The following PLCB1 variants were observed in gnomAD, a reference collection of about 807,000 sequenced individuals.
The protein encoded by PLCB1 is 1-phosphatidylinositol 4,5-bisphosphate phosphodiesterase beta-1.
A neutral mutation model predicts 161.8 loss-of-function variants in PLCB1; 46 were observed. The observed-to-expected ratio is 0.28, with a 90% CI of 0.22 to 0.36. The LOEUF is 0.36. Among genes scored for constraint, PLCB1 ranks in the 10% least tolerant of loss-of-function variants. The probability of loss-of-function intolerance (pLI) is 1.00; values close to 1 mark genes in which losing one functional copy is unlikely to be tolerated. For synonymous variants in PLCB1, 517 were observed against 503.7 expected (o/e 1.03, Z -0.35); for missense variants, 1,016 against 1,472.5 (o/e 0.69, Z 5.07).
intron 2 of PLCB1, among the ~76,000 whole-genome samples, chr20:8,280,412 T>C (rs1332770729): frequency 1.3e-5 from 2 of 151,918 alleles, no homozygotes; most frequent in Non-Finnish European, 2.9e-5. Context: ...AAGAACTGCA[T>C]GGTGTGGGCA....
intron 3 of PLCB1, among the ~76,000 whole-genome samples, chr20:8,373,105 CACT>C (rs923577599): frequency 8.5e-5 from 13 of 152,158 alleles, no homozygotes; most frequent in Non-Finnish European, 1.6e-4. Context: ...GCTGATAAAC[CACT>C]GTTAGATCCT....
At chr20:8,179,685 T>A (rs1015243760) in intron 2 of PLCB1, among the ~76,000 whole-genome samples, 1 of 152,078 alleles carries the variant, frequency 6.6e-6, no homozygotes, top group Non-Finnish European at 1.5e-5. Flanking sequence ...CTGTGTCGAA[T>A]AGGAGTGGTG....
chr20:8,726,519 G>A (rs1198168403), intron 16 of PLCB1, among the ~76,000 whole-genome samples: 1 of 152,090 alleles, frequency 6.6e-6, no homozygotes, highest in Admixed American at 6.6e-5. Flanking sequence ...TCATGAGGCG[G>A]AAGGCACCTC....
intron 3 of PLCB1, among the ~76,000 whole-genome samples, chr20:8,577,308 G>A (rs1986700733): frequency 6.6e-6 from 1 of 151,274 alleles, no homozygotes; most frequent in South Asian, 2.1e-4. Context: ...CGTGGTGGCG[G>A]GCACCTGTAA....
chr20:8,727,615 T>C (rs1171899721), intron 17 of PLCB1, among the ~76,000 whole-genome samples: 1 of 152,060 alleles, frequency 6.6e-6, no homozygotes, highest in Non-Finnish European at 1.5e-5. Flanking sequence ...GATTTCAAGG[T>C]TGCCTTCACA....
intron 3 of PLCB1, among the ~76,000 whole-genome samples, chr20:8,375,943 C>CAAAAAAAAAAAAA (rs34790517): frequency 1.1e-5 from 1 of 93,058 alleles, no homozygotes; most frequent in Non-Finnish European, 2.1e-5. Flanking sequence ...CCAAGTGAAC[C>CAAAAAAAAAAAAA]AAAAAAAAAA....
intron 3 of PLCB1, among the ~76,000 whole-genome samples, chr20:8,605,425 T>C (rs1012301078): frequency 1.3e-5 from 2 of 152,062 alleles, no homozygotes; most frequent in Non-Finnish European, 2.9e-5. Flanking sequence ...TAATACTTCA[T>C]TTTTCTTTAA....
intron 31 of PLCB1, among the ~76,000 whole-genome samples, chr20:8,869,970 G>T (rs1044192287): frequency 2.9e-4 from 44 of 152,344 alleles, no homozygotes; most frequent in African/African-American, 9.9e-4. Flanking sequence ...CATGCCATAG[G>T]AATAGGAGTG....
rs563268367 is a variant in PLCB1 at position 8,686,900 on chromosome 20, A to G, written c.1009+1822A>G. On this transcript the variant is annotated intron_variant, in intron 10 of 31. Coordinates refer to ENST00000338037, the MANE Select transcript of PLCB1 (RefSeq NM_015192.4). ...GAAAGAAAAAGTATGAGTAACAGCAATTTGGACCCTGAACATTGCCTGGAC... is the reference window on the plus strand; with the variant it reads ...GAAAGAAAAAGTATGAGTAACAGCAGTTTGGACCCTGAACATTGCCTGGAC... 7.9e-5 allele frequency among the ~76,000 whole-genome samples: 12 copies of G among 152,314 alleles called. 1 individual carries two copies. Among genetic ancestry groups the G allele is most frequent in the African/African-American group, 2.2e-4 (9 of 41,570 alleles).
At chr20:8,182,887 T>C (rs1003085958) in intron 2 of PLCB1, among the ~76,000 whole-genome samples, 1 of 152,138 alleles carries the variant, frequency 6.6e-6, no homozygotes, top group Non-Finnish European at 1.5e-5. Context: ...GGCTGCACAG[T>C]TGATTATCTT....
intron 3 of PLCB1, among the ~76,000 whole-genome samples, chr20:8,385,566 G>T (rs1032073725): frequency 1.3e-5 from 2 of 152,258 alleles, no homozygotes; most frequent in South Asian, 4.1e-4. Context: ...TGGGAACTTG[G>T]CAGGCTTAAG....
intron 4 of PLCB1, among the ~76,000 whole-genome samples, chr20:8,640,277 A>C (rs906434868): frequency 2.0e-5 from 3 of 152,396 alleles, no homozygotes; most frequent in Non-Finnish European, 4.4e-5. Flanking sequence ...ATAAGCAGAT[A>C]AGCAGCATGC....
intron 3 of PLCB1, among the ~76,000 whole-genome samples, chr20:8,528,958 G>A (rs1437237134): frequency 1.3e-5 from 2 of 151,780 alleles, no homozygotes; most frequent in Non-Finnish European, 2.9e-5. Context: ...CTTCAACAGT[G>A]AAAAAAACAG....
At position 8,283,527 on chromosome 20, in the gene PLCB1, G is replaced by T. The variant is rs1402119024; in HGVS notation, c.178-87855G>T. Among the ~76,000 whole-genome samples the T allele has an allele frequency of 4.0e-5, 6 of 150,130 alleles. No homozygotes were observed. In the South Asian group the frequency reaches 6.3e-4, roughly 16 times the overall value. ...TCTTTAAAACTTTATTTTAATGGCT[G>T]CATAGTATCATATACTTATAATAAA... On this transcript the variant is annotated intron_variant, in intron 2 of 31. Transcript: ENST00000338037.
chr20:8,713,805 C>T (rs1979150973), intron 12 of PLCB1, among the ~76,000 whole-genome samples: 1 of 152,192 alleles, frequency 6.6e-6, no homozygotes, highest in African/African-American at 2.4e-5. Flanking sequence ...CTGTCACCTG[C>T]AGCATTAACA....
chr20:8,722,588 A>ACATTTT (rs1347173192), intron 15 of PLCB1, among the ~76,000 whole-genome samples, 167 bp downstream of exon 15: 9 of 152,284 alleles, frequency 5.9e-5, no homozygotes, highest in Non-Finnish European at 1.3e-4. Flanking sequence ...ATGTTCCACA[A>ACATTTT]TCCGGAGAAG....
intron 3 of PLCB1, among the ~76,000 whole-genome samples, chr20:8,412,825 A>G (rs1979100896): frequency 6.6e-6 from 1 of 152,166 alleles, no homozygotes; most frequent in African/African-American, 2.4e-5. Context: ...TGTGCTTTGG[A>G]AATAAAACAA....
rs141852098 is a variant in PLCB1 at position 8,398,791 on chromosome 20, G to A, written c.246+27341G>A. On this transcript the variant is annotated intron_variant, in intron 3 of 31. Transcript: ENST00000338037. ...CTTTTTTTTTTTCATCTGGTATTTC[G>A]TCCTTTTTTTCTCCCCTTGGTTTTT... Among the ~76,000 whole-genome samples, 85 of 150,904 alleles carry A rather than the reference G, an allele frequency of 5.6e-4. 1 individual carries two copies. In the East Asian group the frequency reaches 0.016, roughly 28 times the overall value.
intron 3 of PLCB1, among the ~76,000 whole-genome samples, chr20:8,433,969 GT>G (rs5840268): frequency 0.61 from 92,452 of 151,904 alleles, 28,377 homozygotes; most frequent in East Asian, 0.7. Context: ...TTATGTGTTT[GT>G]TTTTTGCCCT....
Sources: allele counts gnomAD v4.1 joint callset (sites outside exome capture counted in the v4.1 genomes callset), GRCh38; gene constraint gnomAD v4.1.1; transcripts MANE v1.5; gene names NCBI Gene and HGNC (gene_info 2026-07-23, HGNC 2026-07-21).